SLC71A2: variants seen among roughly 807,000 people sequenced by gnomAD.
SLC71A2 encodes the protein solute carrier family 71 member 2.
chr9:94,392,587 G>A, the SLC71A2 span, among the ~76,000 whole-genome samples: 54 of 150,116 alleles, frequency 3.6e-4, 1 homozygote, highest in Admixed American at 3.3e-3. Flanking sequence ...TGCAACCTCC[G>A]CCTCCTGGGT....
At chr9:94,386,631 A>G in the SLC71A2 span, among the ~76,000 whole-genome samples, 1 of 151,716 alleles carries the variant, frequency 6.6e-6, no homozygotes, top group African/African-American at 2.4e-5. Flanking sequence ...CTTGATCTCC[A>G]TTAGCTCTCA....
the SLC71A2 span, among the ~76,000 whole-genome samples, chr9:94,411,020 TTACAGGC>T: frequency 6.6e-6 from 1 of 152,216 alleles, no homozygotes; most frequent in Non-Finnish European, 1.5e-5. Context: ...AGTGCTGGGA[TTACAGGC>T]ATGAGCCACT....
the SLC71A2 span, among the ~76,000 whole-genome samples, chr9:94,428,642 A>G: frequency 8.1e-6 from 1 of 123,144 alleles, no homozygotes; most frequent in Admixed American, 9.2e-5. Context: ...AAAGGGGTAC[A>G]TTTGTTTTAT....
At chr9:94,398,805 C>T in the SLC71A2 span, among the ~76,000 whole-genome samples, 6 of 119,486 alleles carry the variant, frequency 5.0e-5, no homozygotes, top group African/African-American at 9.9e-5. Flanking sequence ...TGGCTCTTCC[C>T]CTCCCCCCCG....
chr9:94,391,110 C>T, the SLC71A2 span, among the ~76,000 whole-genome samples: 2 of 150,502 alleles, frequency 1.3e-5, no homozygotes, highest in Non-Finnish European at 2.9e-5. Context: ...GATGTGGTAG[C>T]TCACACCTGT....
chr9:94,379,229 G>A, the SLC71A2 span, among the ~76,000 whole-genome samples: 1 of 151,348 alleles, frequency 6.6e-6, no homozygotes, highest in African/African-American at 2.4e-5. Context: ...TGGGATTACA[G>A]GCTTGTGCCA....
chr9:94,384,321 G>A, the SLC71A2 span, among the ~76,000 whole-genome samples: 1 of 148,312 alleles, frequency 6.7e-6, no homozygotes, highest in Non-Finnish European at 1.5e-5. Context: ...CATGTGTGCC[G>A]TGTGTCAAAT....
At chr9:94,393,658 G>C in the SLC71A2 span, among the ~76,000 whole-genome samples, 1,884 of 139,356 alleles carry the variant, frequency 0.014, 33 homozygotes, top group Admixed American at 0.037. Flanking sequence ...TATGAAATCG[G>C]GATAATAATA....
chr9:94,377,232 A>G, the SLC71A2 span, among the ~76,000 whole-genome samples: 6 of 151,870 alleles, frequency 4.0e-5, no homozygotes, highest in Admixed American at 6.6e-5. Context: ...GCTGTGTCCT[A>G]TAGCCCCTAT....
chr9:94,447,068 C>A, the SLC71A2 span: 1 of 559,336 alleles, frequency 1.8e-6, no homozygotes, highest in East Asian at 3.0e-5. Flanking sequence ...AATGTAGGTG[C>A]TGGCATATAA....
the SLC71A2 span, among the ~76,000 whole-genome samples, chr9:94,447,169 G>C: frequency 6.6e-6 from 1 of 151,234 alleles, no homozygotes; most frequent in Non-Finnish European, 1.5e-5. Flanking sequence ...AGAATTAGCA[G>C]AAACATAATT....
At chr9:94,415,471 TGAA>T in the SLC71A2 span, among the ~76,000 whole-genome samples, 2 of 151,418 alleles carry the variant, frequency 1.3e-5, no homozygotes, top group African/African-American at 4.9e-5. Flanking sequence ...GCACTCTTAT[TGAA>T]GTAAACTTGG....
chr9:94,449,812 C>T, the SLC71A2 span, among the ~76,000 whole-genome samples: 1 of 152,306 alleles, frequency 6.6e-6, no homozygotes, highest in African/African-American at 2.4e-5. Flanking sequence ...GTAGAATCAA[C>T]TCAAATGTCT....
At chr9:94,442,547 AG>A in the SLC71A2 span, among the ~76,000 whole-genome samples, 2 of 152,174 alleles carry the variant, frequency 1.3e-5, no homozygotes, top group African/African-American at 4.8e-5. Context: ...GAGCTCACTC[AG>A]GAACACCAAA....
At chr9:94,421,911 C>CT in the SLC71A2 span, among the ~76,000 whole-genome samples, 1 of 152,098 alleles carries the variant, frequency 6.6e-6, no homozygotes, top group East Asian at 1.9e-4. Context: ...TATAGTTTCT[C>CT]TTTTTCTTTT....
At chr9:94,423,582 T>C in the SLC71A2 span, among the ~76,000 whole-genome samples, 1 of 152,138 alleles carries the variant, frequency 6.6e-6, no homozygotes, top group East Asian at 1.9e-4. Context: ...ATATGTGACC[T>C]CAGTCTTACT....
At chr9:94,449,491 G>T in the SLC71A2 span, among the ~76,000 whole-genome samples, 3 of 152,192 alleles carry the variant, frequency 2.0e-5, no homozygotes, top group African/African-American at 7.2e-5. Context: ...AGGAAAAGAA[G>T]AATAACATTA....
the SLC71A2 span, chr9:94,429,103 T>G: frequency 6.4e-7 from 1 of 1,565,312 alleles, no homozygotes. Flanking sequence ...CAGGGCTCAT[T>G]TATGTAGCAT....
At chr9:94,450,151 A>G in the SLC71A2 span, among the ~76,000 whole-genome samples, 1 of 152,196 alleles carries the variant, frequency 6.6e-6, no homozygotes, top group Non-Finnish European at 1.5e-5. Flanking sequence ...AACTCTTTGG[A>G]TATACTAAAA....
Sources: allele counts gnomAD v4.1 joint callset (sites outside exome capture counted in the v4.1 genomes callset), GRCh38; gene constraint gnomAD v4.1.1; transcripts MANE v1.5; gene names NCBI Gene and HGNC (gene_info 2026-07-23, HGNC 2026-07-21).